Variants in MBOAT1 observed in about 807,000 individuals in gnomAD.
MBOAT1 encodes membrane-bound glycerophospholipid O-acyltransferase 1.
MBOAT1 carries 67 observed loss-of-function variants against 64.4 expected under a neutral mutation model. The ratio of observed to expected loss-of-function variants is 1.04; its 90% CI spans 0.85 to 1.27. The LOEUF (loss-of-function observed/expected upper bound fraction) is 1.27. Ranked by LOEUF, MBOAT1 falls within the 50% of genes most tolerant of loss-of-function variation. The pLI, the probability that MBOAT1 is intolerant of heterozygous loss-of-function variation, is 0.00. For synonymous variants in MBOAT1, 229 were observed against 218.9 expected, an observed-to-expected ratio of 1.05 and a Z score of -0.41; for missense variants, 563 against 604.6, an observed-to-expected ratio of 0.93 and a Z score of 0.72.
intron 12 of MBOAT1, among the ~76,000 whole-genome samples, chr6:20,105,379 C>T (rs1759919743): frequency 6.6e-6 from 1 of 152,224 alleles, no homozygotes; most frequent in South Asian, 2.1e-4. Context: ...TTGATCATGT[C>T]AGGCACTGAC....
chr6:20,179,166 G>C (rs562224441), intron 1 of MBOAT1, among the ~76,000 whole-genome samples: 1 of 131,164 alleles, frequency 7.6e-6, no homozygotes, highest in African/African-American at 3.0e-5. Flanking sequence ...TTTAATCTTT[G>C]CAACAACCCT....
intron 10 of MBOAT1, 26 bp from the exon 11 acceptor site, chr6:20,113,034 A>G (rs1207964200): frequency 6.2e-7 from 1 of 1,603,404 alleles, no homozygotes; most frequent in African/African-American, 1.3e-5. Flanking sequence ...GGAACAAGAC[A>G]CAGGTGAAAC....
At chr6:20,163,958 C>A (rs192262208) in intron 1 of MBOAT1, among the ~76,000 whole-genome samples, 1 of 151,996 alleles carries the variant, frequency 6.6e-6, no homozygotes, top group Admixed American at 6.6e-5. Flanking sequence ...CAACCTTGAC[C>A]GGGGCCCGGG....
At chr6:20,123,312 T>C (rs1028469827) in intron 8 of MBOAT1, among the ~76,000 whole-genome samples, 4 of 152,194 alleles carry the variant, frequency 2.6e-5, no homozygotes. Flanking sequence ...TTTTATTTAA[T>C]AAGCCAAGTC....
intron 1 of MBOAT1, among the ~76,000 whole-genome samples, chr6:20,210,915 A>G (rs994288206): frequency 6.6e-6 from 1 of 150,756 alleles, no homozygotes; most frequent in Non-Finnish European, 1.5e-5. Context: ...GAACTAAAGA[A>G]TTTGCTATTA....
In MBOAT1 at chr6:20,152,684, TC is replaced by T. The variant is rs752857650; in HGVS notation, c.184del (p.Asp62MetfsTer31). 1.9e-6 allele frequency: 3 copies of T among 1,611,890 alleles called. No homozygotes were observed. The highest frequency in any genetic ancestry group is 2.5e-6 in the Non-Finnish European group (3 of 1,178,690). ...IYLRPGTTSSDVRHAVATIFG... is the reference protein window; with the variant it reads ...IYLRPGTTSSXVRHAVATIFG... ...AATGGTGGCAACCGCATGCCGGACA[TC>T]AGAGCTGGTTGTACCAGGACGTAAG... On this transcript the variant is annotated frameshift_variant, in exon 2 of 13. Coordinates refer to ENST00000324607, the MANE Select transcript of MBOAT1 (RefSeq NM_001080480.3). LOFTEE classifies it high-confidence loss of function.
chr6:20,115,011 G>C (rs1377834596), intron 10 of MBOAT1, among the ~76,000 whole-genome samples: 1 of 152,148 alleles, frequency 6.6e-6, no homozygotes, highest in South Asian at 2.1e-4. Flanking sequence ...TGTAAAATGG[G>C]GGTAATACCC....
chr6:20,104,050 T>C (rs950267229), intron 12 of MBOAT1, among the ~76,000 whole-genome samples: 4 of 152,212 alleles, frequency 2.6e-5, no homozygotes, highest in African/African-American at 9.6e-5. Flanking sequence ...CTTCTCTATG[T>C]TTAGATACAC....
intron 10 of MBOAT1, among the ~76,000 whole-genome samples, chr6:20,113,384 A>G (rs1760231085): frequency 6.6e-6 from 1 of 152,228 alleles, no homozygotes; most frequent in African/African-American, 2.4e-5. Flanking sequence ...GGGGTGCTTA[A>G]GTAAGTGCCA....
chr6:20,163,712 A>G (rs1318499712), intron 1 of MBOAT1, among the ~76,000 whole-genome samples: 1 of 152,172 alleles, frequency 6.6e-6, no homozygotes, highest in Admixed American at 6.5e-5. Context: ...GCCTCTGAAC[A>G]TCAGAGTTAA....
chr6:20,114,371 C>T (rs375975814), intron 10 of MBOAT1, among the ~76,000 whole-genome samples: 6 of 152,080 alleles, frequency 3.9e-5, no homozygotes, highest in African/African-American at 1.2e-4. Context: ...TAGTAAATAA[C>T]GTTTTAAATT....
chr6:20,106,626 G>A (rs1759965493), intron 12 of MBOAT1, among the ~76,000 whole-genome samples: 4 of 152,122 alleles, frequency 2.6e-5, no homozygotes, highest in Admixed American at 1.3e-4. Context: ...GTTTCACCAT[G>A]CTGGCCAGGC....
At chr6:20,106,913 G>A (rs972816169) in intron 12 of MBOAT1, among the ~76,000 whole-genome samples, 17 of 152,176 alleles carry the variant, frequency 1.1e-4, no homozygotes, top group African/African-American at 4.1e-4. Context: ...TTAAAAAGAA[G>A]TGAAAAGCTA....
chr6:20,153,704 T>C (rs1212070050), intron 1 of MBOAT1, among the ~76,000 whole-genome samples: 1 of 152,190 alleles, frequency 6.6e-6, no homozygotes. Flanking sequence ...GCATTTAACG[T>C]CCAGTGCCAA....
At chr6:20,202,352 G>A (rs182688830) in intron 1 of MBOAT1, among the ~76,000 whole-genome samples, 322 of 37,352 alleles carry the variant, frequency 8.6e-3, no homozygotes, top group African/African-American at 0.013. Context: ...CCTGGTTTTC[G>A]TTTTGTTTTG....
At chr6:20,191,630 C>A (rs971942168) in intron 1 of MBOAT1, among the ~76,000 whole-genome samples, 6 of 152,198 alleles carry the variant, frequency 3.9e-5, no homozygotes, top group African/African-American at 1.4e-4. Context: ...ACAGTATCAC[C>A]TACTGCAGAC....
chr6:20,112,659 G>A (rs1250423738), intron 11 of MBOAT1, among the ~76,000 whole-genome samples: 5 of 152,010 alleles, frequency 3.3e-5, no homozygotes, highest in Admixed American at 2.6e-4. Context: ...CACGAACTAC[G>A]AACATACAAT....
chr6:20,107,224 C>T lies in MBOAT1; in HGVS notation c.1361+2374G>A, dbSNP rs562158283. On this transcript the variant is annotated intron_variant, in intron 12 of 12. Coordinates refer to ENST00000324607, the MANE Select transcript of MBOAT1 (RefSeq NM_001080480.3). ...ACAGGGACACTGATACCTACCCCAC[C>T]GCTCTCCTCAGCTCACCTCCCTCCA... Among the ~76,000 whole-genome samples the T allele has an allele frequency of 2.6e-5, 4 of 152,278 alleles. No individual in the cohort carries two copies. The South Asian group carries it at 6.2e-4, about 24-fold the overall frequency.
intron 1 of MBOAT1, among the ~76,000 whole-genome samples, chr6:20,194,638 C>A (rs1762903121): frequency 1.3e-5 from 2 of 152,190 alleles, no homozygotes; most frequent in Admixed American, 6.5e-5. Flanking sequence ...TGACTTTGAT[C>A]ACTCAGCTGA....
Sources: gnomAD v4.1 joint callset for allele counts (sites outside exome capture counted in the v4.1 genomes callset) on GRCh38, gnomAD v4.1.1 for gene constraint, MANE v1.5 for transcripts, NCBI Gene and HGNC (gene_info 2026-07-23, HGNC 2026-07-21) for gene names.